CAMK2D: variants seen among roughly 807,000 people sequenced by gnomAD.
CAMK2D encodes the protein calcium/calmodulin dependent protein kinase II delta.
In CAMK2D, 37 loss-of-function variants were observed where a neutral mutation model predicts 84.0. That is an observed-to-expected ratio of 0.44 (90% CI 0.34 to 0.58). CAMK2D has a LOEUF of 0.58. Among genes scored for constraint, CAMK2D ranks in the 20% least tolerant of loss-of-function variants. CAMK2D has a pLI of 0.02. For missense variants in CAMK2D, 448 were observed against 652.5 expected, an observed-to-expected ratio of 0.69 and a Z score of 3.41; for synonymous variants, 202 against 212.5, an observed-to-expected ratio of 0.95 and a Z score of 0.43.
chr4:113,756,841 T>C (rs996480520), intron 2 of CAMK2D, among the ~76,000 whole-genome samples: 2 of 152,112 alleles, frequency 1.3e-5, no homozygotes, highest in Non-Finnish European at 1.5e-5. Flanking sequence ...TAATTCAATA[T>C]GAGTACAAGT....
At chr4:113,594,821 ATGTGTAATT>A (rs2098916704) in intron 4 of CAMK2D, among the ~76,000 whole-genome samples, 3 of 152,218 alleles carry the variant, frequency 2.0e-5, no homozygotes, top group Admixed American at 1.3e-4. Context: ...AAGTGTAAAT[ATGTGTAATT>A]TGTGTAATGG....
At position 113,755,173 on chromosome 4, in the gene CAMK2D, TACAC is replaced by T. The variant is rs59818897; in HGVS notation, c.160+4143_160+4146del. ...AACATCAAAAAAGGTTACTTAGGGATACACACACACACACACACACACACACACA... is the reference window on the plus strand; with the variant it reads ...AACATCAAAAAAGGTTACTTAGGGATACACACACACACACACACACACACA... On this transcript the variant is annotated intron_variant, in intron 2 of 20. Coordinates refer to ENST00000511664, the MANE Select transcript of CAMK2D (RefSeq NM_001321571.2). 2.8e-3 allele frequency: 466 copies of T among 163,760 alleles called. 5 individuals are homozygous for T. The highest frequency in any genetic ancestry group is 0.027 in the East Asian group (136 of 5,010). The allele number at this position is 163,760 out of a possible 1,614,324, so 10.1% of individuals were successfully genotyped here. A position where few individuals can be genotyped will look rare whatever the true frequency, so the allele number is the denominator to read the frequency against.
intron 2 of CAMK2D, among the ~76,000 whole-genome samples, chr4:113,728,078 A>T (rs2099551565): frequency 6.6e-6 from 1 of 152,298 alleles, no homozygotes; most frequent in African/African-American, 2.4e-5. Flanking sequence ...GAAATGGTAC[A>T]ACCACTTGAG....
intron 3 of CAMK2D, among the ~76,000 whole-genome samples, chr4:113,617,688 T>TG (rs2099027101): frequency 1.3e-5 from 2 of 149,676 alleles, no homozygotes; most frequent in South Asian, 4.2e-4. Context: ...TAATTTGAAA[T>TG]GGGGTCTTGC....
At chr4:113,570,915 C>T (rs569788086) in intron 4 of CAMK2D, among the ~76,000 whole-genome samples, 15 of 152,024 alleles carry the variant, frequency 9.9e-5, no homozygotes, top group East Asian at 5.8e-4. Context: ...TAGGTTAATA[C>T]GCAAAATATA....
chr4:113,722,343 C>G (rs181362695), intron 2 of CAMK2D, among the ~76,000 whole-genome samples: 5 of 152,218 alleles, frequency 3.3e-5, no homozygotes, highest in Admixed American at 6.5e-5. Context: ...TGGCACAGTA[C>G]ATTAGAAAGT....
Position 113,761,493 on chromosome 4 carries a change from G to A in CAMK2D, c.-425C>T, listed in dbSNP as rs1204846362. 8.5e-6 allele frequency: 9 copies of A among 1,055,928 alleles called. No individual in the cohort carries two copies. Among genetic ancestry groups the A allele is most frequent in the Non-Finnish European group, 9.2e-6 (8 of 871,276 alleles). The allele number at this position is 1,055,928 out of a possible 1,614,324, so 65.4% of individuals were successfully genotyped here. ...AGGAGGAGTAGAAGCAGAGGGGAGG[G>A]AGTCCGAGGGGGCGGAGGTGGAGTG... On this transcript the variant is annotated 5_prime_UTR_variant, in exon 1 of 21. Coordinates refer to ENST00000511664, the MANE Select transcript of CAMK2D (RefSeq NM_001321571.2).
At chr4:113,674,435 T>C (rs1446394539) in intron 2 of CAMK2D, among the ~76,000 whole-genome samples, 3 of 152,168 alleles carry the variant, frequency 2.0e-5, no homozygotes, top group Non-Finnish European at 2.9e-5. Context: ...GGCATTGTCA[T>C]AGCATTACAA....
At chr4:113,573,481 C>G (rs769241180) in intron 4 of CAMK2D, among the ~76,000 whole-genome samples, 5 of 152,218 alleles carry the variant, frequency 3.3e-5, no homozygotes, top group African/African-American at 4.8e-5. Context: ...GCCCACATGG[C>G]CTACTCTGGA....
chr4:113,656,035 C>T (rs751165816), intron 3 of CAMK2D, among the ~76,000 whole-genome samples: 17 of 152,070 alleles, frequency 1.1e-4, no homozygotes, highest in Non-Finnish European at 1.8e-4. Context: ...TTATTTGATA[C>T]ATATGTTGAC....
At chr4:113,463,153 C>CTA in intron 17 of CAMK2D, among the ~76,000 whole-genome samples, 1 of 152,104 alleles carries the variant, frequency 6.6e-6, no homozygotes, top group Non-Finnish European at 1.5e-5. Context: ...GAAGAAGCTC[C>CTA]TGATATAGTT....
chr4:113,587,477 C>T (rs926167914), intron 4 of CAMK2D, among the ~76,000 whole-genome samples: 3 of 152,146 alleles, frequency 2.0e-5, no homozygotes, highest in African/African-American at 7.2e-5. Context: ...CTCTAAAACT[C>T]TCTTTCACAC....
intron 3 of CAMK2D, among the ~76,000 whole-genome samples, chr4:113,631,333 C>T (rs1304061254): frequency 1.3e-5 from 2 of 151,894 alleles, no homozygotes; most frequent in Non-Finnish European, 1.5e-5. Flanking sequence ...GGCAACATGG[C>T]AAAACCTCGT....
At chr4:113,493,638 G>A (rs1364483183) in intron 16 of CAMK2D, among the ~76,000 whole-genome samples, 2 of 151,606 alleles carry the variant, frequency 1.3e-5, no homozygotes, top group Admixed American at 6.6e-5. Context: ...TGCTCTTCTC[G>A]AGGAGTATCT....
At chr4:113,711,421 A>G (rs1242328488) in intron 2 of CAMK2D, among the ~76,000 whole-genome samples, 2 of 152,064 alleles carry the variant, frequency 1.3e-5, no homozygotes. Context: ...TAAATTCAAA[A>G]CCTAAACTAA....
chr4:113,743,911 G>C (rs1231891950), intron 2 of CAMK2D, among the ~76,000 whole-genome samples: 6 of 151,884 alleles, frequency 4.0e-5, no homozygotes, highest in African/African-American at 1.2e-4. Context: ...TGCAATCCTG[G>C]CTTACTGCAA....
chr4:113,744,110 G>A (rs888424286), intron 2 of CAMK2D, among the ~76,000 whole-genome samples: 9 of 152,148 alleles, frequency 5.9e-5, no homozygotes, highest in Non-Finnish European at 2.9e-5. Flanking sequence ...AAAGTGCTGG[G>A]ATTACAGGCG....
intron 4 of CAMK2D, among the ~76,000 whole-genome samples, chr4:113,580,028 G>A (rs2098800711): frequency 6.6e-6 from 1 of 151,980 alleles, no homozygotes; most frequent in Non-Finnish European, 1.5e-5. Context: ...ATAACTATGT[G>A]GTTTCCTTTC....
At chr4:113,666,673 C>G (rs527999683) in intron 2 of CAMK2D, among the ~76,000 whole-genome samples, 19 of 152,128 alleles carry the variant, frequency 1.2e-4, no homozygotes, top group Non-Finnish European at 2.1e-4. Flanking sequence ...TTGCCATGGC[C>G]GAGAAGGTTT....
Sources: gnomAD v4.1 joint callset for allele counts (sites outside exome capture counted in the v4.1 genomes callset) on GRCh38, gnomAD v4.1.1 for gene constraint, MANE v1.5 for transcripts, NCBI Gene and HGNC (gene_info 2026-07-23, HGNC 2026-07-21) for gene names.